The following KCNA5 variants were observed in gnomAD, a reference collection of about 807,000 sequenced individuals.
The protein encoded by KCNA5 is potassium voltage-gated channel subfamily A member 5.
In KCNA5, 22 loss-of-function variants were observed where a neutral mutation model predicts 26.5. The observed-to-expected ratio is 0.83, with a 90% CI of 0.59 to 1.18. The LOEUF (loss-of-function observed/expected upper bound fraction) is 1.18. Among genes scored for constraint, KCNA5 ranks in the 50% most tolerant of loss-of-function variants. KCNA5 has a pLI of 0.00. For missense variants in KCNA5, 916 were observed against 843.2 expected, an observed-to-expected ratio of 1.09 and a Z score of -1.07; for synonymous variants, 465 against 372.8, an observed-to-expected ratio of 1.25 and a Z score of -2.85.
rs1370196044 is a variant in KCNA5, at chr12:5,044,988, C to T, written c.841C>T (p.Leu281=). 6.2e-7 allele frequency: 1 copy of T among 1,613,174 alleles called. No individual in the cohort carries two copies. Among genetic ancestry groups the T allele is most frequent in the Non-Finnish European group, 8.5e-7 (1 of 1,179,972 alleles). ...GCCTGAGTTCAGGGATGAACGTGAG[C>T]TGCTCCGCCACCCTCCGGCGCCCCA... The part of the protein sequence containing the change: ...TLPEFRDERE[L]LRHPPAPHQP... The change falls in exon 1 of 1, where the codon CTG becomes TTG. Residue 281 remains leucine (L), a synonymous_variant. Transcript: ENST00000252321.
chr12:5,044,833 G>A lies in KCNA5; in HGVS notation c.686G>A (p.Arg229His), dbSNP rs747143051. Residue 229 changes from arginine to histidine, a missense_variant, in exon 1 of 1, where the codon CGC (arginine) becomes CAC (histidine). Transcript: ENST00000252321. ...AAAGAAGAGGAGAAGCCCCTGCCCC[G>A]CAACGAGTTCCAGCGCCAGGTGTGG... The part of the protein sequence containing the change: ...FIKEEEKPLP[R>H]NEFQRQVWLI... The A allele has an allele frequency of 6.2e-7, 1 of 1,614,054 alleles. No individual in the cohort carries two copies. Among genetic ancestry groups the A allele is most frequent in the Non-Finnish European group, 8.5e-7 (1 of 1,180,028 alleles).
Position 5,045,224 on chromosome 12 carries a change from C to T in KCNA5, c.1077C>T (p.Ile359=). 1 of 1,614,232 alleles carries T rather than the reference C, an allele frequency of 6.2e-7. No individual in the cohort carries two copies. Among genetic ancestry groups the T allele is most frequent in the Non-Finnish European group, 8.5e-7 (1 of 1,180,044 alleles). ...KAGFSRNIMN[I]IDVVAIFPYF... The stretch of plus-strand genomic sequence containing the variant: ...GGTTCTCCCGGAACATCATGAACAT[C>T]ATCGATGTGGTGGCCATCTTCCCCT... The change falls in exon 1 of 1, where the codon ATC becomes ATT. Residue 359 remains isoleucine, a synonymous_variant. Coordinates refer to ENST00000252321, the MANE Select transcript of KCNA5 (RefSeq NM_002234.4). The surrounding 1 kb of genome is among the most constrained non-coding windows in gnomAD (Gnocchi z 5.6).
chr12:5,044,906 C>T lies in KCNA5; in HGVS notation c.759C>T (p.Ala253=), dbSNP rs1200257743. The change falls in exon 1 of 1, where the codon GCC becomes GCT. Residue 253 remains alanine (A), a synonymous_variant. Coordinates refer to ENST00000252321, the MANE Select transcript of KCNA5 (RefSeq NM_002234.4). ...PESSGSARAI[A]IVSVLVILIS... ...GCTCTGGGTCCGCGCGGGCCATCGC[C>T]ATCGTCTCGGTCTTGGTTATCCTCA... The T allele has an allele frequency of 2.5e-6, 4 of 1,613,786 alleles. No homozygotes were observed. In the Admixed American group the frequency reaches 6.7e-5, roughly 27 times the overall value.
Position 5,045,845 on chromosome 12 carries a change from TG to T in KCNA5, c.1704del (p.Thr569ProfsTer15), listed in dbSNP as rs1565466174. 1 of 1,614,074 alleles carries T rather than the reference TG, an allele frequency of 6.2e-7. No individual in the cohort carries two copies. On this transcript the variant is annotated frameshift_variant, in exon 1 of 1. Coordinates refer to ENST00000252321, the MANE Select transcript of KCNA5 (RefSeq NM_002234.4). LOFTEE classifies it high-confidence loss of function. This position sits in a 1 kb window ranked among gnomAD's most constrained non-coding sequence, Gnocchi z 5.6. ...GGAGCAGGGGATCCTTCTGCAAGGC[TG>T]GGGGGACCCTGGAGAATGCAGACAG... ...SGSRGSFCKA[G>X]GTLENADSAR... is the part of the protein sequence containing the mutation.
In KCNA5 at chr12:5,045,983, T is replaced by C. The variant is rs1270897998; in HGVS notation, c.1836T>C (p.Asp612=). The change falls in exon 1 of 1, where the codon GAT becomes GAC. Residue 612 remains aspartate (D), a synonymous_variant. Coordinates refer to ENST00000252321, the MANE Select transcript of KCNA5 (RefSeq NM_002234.4). This position sits in a 1 kb window ranked among gnomAD's most constrained non-coding sequence, Gnocchi z 5.6. The stretch of plus-strand genomic sequence containing the variant: ...GCCTGGACACCAGCCGGGAAACAGA[T>C]TTGTGAAAGGAGATTCAGGCAGACT... ...ALCLDTSRET[D]L 1 of 1,613,260 alleles carries C rather than the reference T, an allele frequency of 6.2e-7. No individual in the cohort carries two copies. Among genetic ancestry groups the C allele is most frequent in the South Asian group, 1.1e-5 (1 of 91,082 alleles).
At position 5,045,783 on chromosome 12, in the gene KCNA5, C is replaced by T. The variant is rs142289285; in HGVS notation, c.1636C>T (p.Pro546Ser). ...AGAGCAGGGCACTCAGAGCCAGGGG[C>T]CGGGGCTGGACAGAGGAGTCCAGCG... ...KEEQGTQSQG[P>S]GLDRGVQRKV... Residue 546 changes from proline to serine, a missense_variant, in exon 1 of 1, where the codon CCG becomes TCG. Physicochemically the swap from Pro to Ser is moderately conservative, Grantham distance 74 (BLOSUM62 -1). Coordinates refer to ENST00000252321, the MANE Select transcript of KCNA5 (RefSeq NM_002234.4). This position sits in a 1 kb window ranked among gnomAD's most constrained non-coding sequence, Gnocchi z 5.6. The T allele has an allele frequency of 6.2e-6, 10 of 1,614,094 alleles. No homozygotes were observed. The African/African-American group carries it at 1.3e-4, about 22-fold the overall frequency.
rs545136008 is a variant in KCNA5 at position 5,046,066 on chromosome 12, G to A, written c.*77G>A. ...TGAACATGGATATCTACATTATACC[G>A]CAGAGTATTTGAAGTCACACTGTAA... On this transcript the variant is annotated 3_prime_UTR_variant, in exon 1 of 1. Coordinates refer to ENST00000252321, the MANE Select transcript of KCNA5 (RefSeq NM_002234.4). The A allele has an allele frequency of 8.8e-5, 137 of 1,550,078 alleles. No homozygotes were observed. Among genetic ancestry groups the A allele is most frequent in the South Asian group, 4.7e-4 (41 of 87,290 alleles).
At position 5,045,476 on chromosome 12, in the gene KCNA5, C is replaced by T. The variant is rs147209278; in HGVS notation, c.1329C>T (p.Ile443=). The change falls in exon 1 of 1, where the codon ATC becomes ATT. Residue 443 remains isoleucine (I), a synonymous_variant. Coordinates refer to ENST00000252321, the MANE Select transcript of KCNA5 (RefSeq NM_002234.4). The surrounding 1 kb of genome is among the most constrained non-coding windows in gnomAD (Gnocchi z 5.6). ...ELGLLIFFLF[I]GVILFSSAVY... ...GGCTGCTCATCTTCTTCCTCTTCAT[C>T]GGGGTCATCCTCTTCTCCAGTGCCG... The T allele has an allele frequency of 3.0e-5, 49 of 1,614,218 alleles. No homozygotes were observed. In the African/African-American group the frequency reaches 3.3e-4, roughly 11 times the overall value.
Position 5,045,874 on chromosome 12 carries a change from C to T in KCNA5, c.1727C>T (p.Ala576Val), listed in dbSNP as rs121908592. The T allele has an allele frequency of 1.1e-5, 17 of 1,613,982 alleles. No individual in the cohort carries two copies. In the East Asian group the frequency reaches 3.3e-4, roughly 32 times the overall value. Residue 576 changes from alanine to valine, a missense_variant, in exon 1 of 1, where the codon GCC becomes GTC. Coordinates refer to ENST00000252321, the MANE Select transcript of KCNA5 (RefSeq NM_002234.4). This position sits in a 1 kb window ranked among gnomAD's most constrained non-coding sequence, Gnocchi z 5.6. ...GGGACCCTGGAGAATGCAGACAGTGCCCGAAGGGGCAGCTGCCCCCTAGAG... is the reference window on the plus strand; with the variant it reads ...GGGACCCTGGAGAATGCAGACAGTGTCCGAAGGGGCAGCTGCCCCCTAGAG... ...AGGTLENADSARRGSCPLEKC... is the reference protein window; with the variant it reads ...AGGTLENADSVRRGSCPLEKC...
Position 5,045,873 on chromosome 12 carries a change from G to A in KCNA5, c.1726G>A (p.Ala576Thr), listed in dbSNP as rs1454481810. The A allele has an allele frequency of 6.2e-7, 1 of 1,614,132 alleles. No individual in the cohort carries two copies. Among genetic ancestry groups the A allele is most frequent in the East Asian group, 2.2e-5 (1 of 44,882 alleles). Residue 576 changes from alanine to threonine, a missense_variant, in exon 1 of 1, where the codon GCC (alanine) becomes ACC (threonine). Transcript: ENST00000252321. The surrounding 1 kb of genome is among the most constrained non-coding windows in gnomAD (Gnocchi z 5.6). Reference protein sequence around the residue: ...AGGTLENADSARRGSCPLEKC... With the variant: ...AGGTLENADSTRRGSCPLEKC... ...GGGGACCCTGGAGAATGCAGACAGT[G>A]CCCGAAGGGGCAGCTGCCCCCTAGA...
Position 5,044,456 on chromosome 12 carries a change from C to T in KCNA5, c.309C>T (p.Gly103=), listed in dbSNP as rs1415470235. The T allele has an allele frequency of 1.2e-5, 20 of 1,610,862 alleles. No individual in the cohort carries two copies. Among genetic ancestry groups the T allele is most frequent in the Non-Finnish European group, 1.7e-5 (20 of 1,179,108 alleles). ...ACGAGGAGGAAGAAGGCGATCCCGG[C>T]CTGGGCACGGTGGAGGACCAGGCTC... ...PEDEEEEGDP[G]LGTVEDQALG... is the part of the protein sequence containing the mutation. The change falls in exon 1 of 1, where the codon GGC becomes GGT. Residue 103 remains glycine, a synonymous_variant. Coordinates refer to ENST00000252321, the MANE Select transcript of KCNA5 (RefSeq NM_002234.4).
rs745760298 is a variant in KCNA5 at position 5,045,058 on chromosome 12, T to C, written c.911T>C (p.Met304Thr). ...CCTGGGGCCAACGGCAGCGGGGTCA[T>C]GGCCCCGCCCTCTGGCCCTACGGTG... ...PAPGANGSGV[M>T]APPSGPTVAP... Residue 304 changes from methionine (M) to threonine (T), a missense_variant, in exon 1 of 1, where the codon ATG becomes ACG. Coordinates refer to ENST00000252321, the MANE Select transcript of KCNA5 (RefSeq NM_002234.4). This position sits in a 1 kb window ranked among gnomAD's most constrained non-coding sequence, Gnocchi z 5.6. 8.7e-6 allele frequency: 14 copies of C among 1,612,366 alleles called. No individual in the cohort carries two copies. The highest frequency in any genetic ancestry group is 4.5e-5 in the East Asian group (2 of 44,772).
In KCNA5 at chr12:5,044,813, AGAG is replaced by A. The variant is rs752399508; in HGVS notation, c.670_672del (p.Glu224del). 4.3e-6 allele frequency: 7 copies of A among 1,614,162 alleles called. No homozygotes were observed. The highest frequency in any genetic ancestry group is 1.6e-4 in the Middle Eastern group (1 of 6,062). On this transcript the variant is annotated inframe_deletion, in exon 1 of 1. Transcript: ENST00000252321. Reference sequence around the variant, plus strand: ...GCGAGGATGAGGGCTTCATTAAAGAAGAGGAGAAGCCCCTGCCCCGCAACGAGT... The same window carrying A: ...GCGAGGATGAGGGCTTCATTAAAGAAGAGAAGCCCCTGCCCCGCAACGAGT...
chr12:5,044,086 G>A lies in KCNA5; in HGVS notation c.-62G>A. The A allele has an allele frequency of 1.3e-6, 2 of 1,520,006 alleles. No homozygotes were observed. Among genetic ancestry groups the A allele is most frequent in the Non-Finnish European group, 1.8e-6 (2 of 1,135,072 alleles). The allele number at this position is 1,520,006 out of a possible 1,614,324, so 94.2% of individuals were successfully genotyped here. A position where few individuals can be genotyped will look rare whatever the true frequency, so the allele number is the denominator to read the frequency against. On this transcript the variant is annotated 5_prime_UTR_variant, in exon 1 of 1. Coordinates refer to ENST00000252321, the MANE Select transcript of KCNA5 (RefSeq NM_002234.4). ...GAGCCTGACGCCAGGCGCCCGCGGA[G>A]CGTGAGTAGGGGGCGCGGGAGCCGG...
At position 5,045,785 on chromosome 12, in the gene KCNA5, G is replaced by A. The variant is rs992420141; in HGVS notation, c.1638G>A (p.Pro546=). The change falls in exon 1 of 1, where the codon CCG becomes CCA. Residue 546 remains proline (P), a synonymous_variant. Transcript: ENST00000252321. This position sits in a 1 kb window ranked among gnomAD's most constrained non-coding sequence, Gnocchi z 5.6. ...KEEQGTQSQG[P]GLDRGVQRKV... is the part of the protein sequence containing the mutation. ...AGCAGGGCACTCAGAGCCAGGGGCC[G>A]GGGCTGGACAGAGGAGTCCAGCGGA... 13 of 1,614,028 alleles carry A rather than the reference G, an allele frequency of 8.1e-6. No individual in the cohort carries two copies. Among genetic ancestry groups the A allele is most frequent in the African/African-American group, 1.3e-5 (1 of 74,922 alleles).
At position 5,044,489 on chromosome 12, in the gene KCNA5, G is replaced by A. The variant is rs761327551; in HGVS notation, c.342G>A (p.Thr114=). The A allele has an allele frequency of 1.2e-6, 2 of 1,612,168 alleles. No individual in the cohort carries two copies. Among genetic ancestry groups the A allele is most frequent in the East Asian group, 2.2e-5 (1 of 44,832 alleles). The part of the protein sequence containing the change: ...LGTVEDQALG[T]ASLHHQRVHI... Reference sequence around the variant, plus strand: ...CGGTGGAGGACCAGGCTCTGGGCACGGCGTCCCTGCACCACCAGCGCGTCC... The same window carrying A: ...CGGTGGAGGACCAGGCTCTGGGCACAGCGTCCCTGCACCACCAGCGCGTCC... The change falls in exon 1 of 1, where the codon ACG becomes ACA. Residue 114 remains threonine (T), a synonymous_variant. Transcript: ENST00000252321.
In KCNA5 at chr12:5,044,374, G is replaced by T. The variant is rs1389494243; in HGVS notation, c.227G>T (p.Arg76Leu). ...PLPPLPDPGVRPLPPLPEELP... is the reference protein window; with the variant it reads ...PLPPLPDPGVLPLPPLPEELP... Reference sequence around the variant, plus strand: ...CCTCCGCTGCCGGACCCGGGAGTGCGGCCCTTGCCTCCGCTGCCAGAGGAG... The same window carrying T: ...CCTCCGCTGCCGGACCCGGGAGTGCTGCCCTTGCCTCCGCTGCCAGAGGAG... The change falls in exon 1 of 1, where the codon CGG (arginine) becomes CTG (leucine). Residue 76 changes from arginine (R) to leucine (L), a missense_variant. Arg to Leu is a moderately radical substitution (Grantham distance 102). Coordinates refer to ENST00000252321, the MANE Select transcript of KCNA5 (RefSeq NM_002234.4). 12 of 1,562,286 alleles carry T rather than the reference G, an allele frequency of 7.7e-6. No individual in the cohort carries two copies. The Admixed American group carries it at 1.8e-4, about 24-fold the overall frequency.
Position 5,045,936 on chromosome 12 carries a change from C to A in KCNA5, c.1789C>A (p.Arg597=). Residue 597 remains arginine (R), a synonymous_variant, in exon 1 of 1, where the codon CGG becomes AGG. Transcript: ENST00000252321. This position sits in a 1 kb window ranked among gnomAD's most constrained non-coding sequence, Gnocchi z 5.6. ...CAAGGCCAAGAGCAACGTGGACTTG[C>A]GGAGGTCCCTTTATGCCCTCTGCCT... ...NVKAKSNVDL[R]RSLYALCLDT... is the part of the protein sequence containing the mutation. The A allele has an allele frequency of 6.2e-7, 1 of 1,613,842 alleles. No individual in the cohort carries two copies. The highest frequency in any genetic ancestry group is 8.5e-7 in the Non-Finnish European group (1 of 1,180,038).
Position 5,045,499 on chromosome 12 carries a change from C to T in KCNA5, c.1352C>T (p.Ala451Val). 11 of 1,614,232 alleles carry T rather than the reference C, an allele frequency of 6.8e-6. No individual in the cohort carries two copies. The highest frequency in any genetic ancestry group is 1.1e-5 in the South Asian group (1 of 91,086). Residue 451 changes from alanine (A) to valine (V), a missense_variant, in exon 1 of 1, where the codon GCC (alanine) becomes GTC (valine). Physicochemically the swap from Ala to Val is moderately conservative, Grantham distance 64 (BLOSUM62 0). Transcript: ENST00000252321. The surrounding 1 kb of genome is among the most constrained non-coding windows in gnomAD (Gnocchi z 5.6). ...LFIGVILFSS[A>V]VYFAEADNQG... The stretch of plus-strand genomic sequence containing the variant: ...ATCGGGGTCATCCTCTTCTCCAGTG[C>T]CGTCTACTTCGCAGAGGCTGACAAC...
Sources: gnomAD v4.1 joint callset for allele counts on GRCh38, gnomAD v4.1.1 for gene constraint, Gnocchi (gnomAD v3.1) non-coding constraint, MANE v1.5 for transcripts, NCBI Gene and HGNC (gene_info 2026-07-23, HGNC 2026-07-21) for gene names.